ARHGAP26: variants seen among roughly 807,000 people sequenced by gnomAD.
ARHGAP26 encodes rho GTPase-activating protein 26.
In ARHGAP26, 38 loss-of-function variants were observed where a neutral mutation model predicts 104.8. The observed-to-expected ratio is 0.36, with a 90% confidence interval of 0.28 to 0.48. The LOEUF (loss-of-function observed/expected upper bound fraction) is 0.48. Ranked by LOEUF, ARHGAP26 falls within the 20% of genes least tolerant of loss-of-function variation. The pLI, the probability that ARHGAP26 is intolerant of heterozygous loss-of-function variation, is 0.99. For synonymous variants in ARHGAP26, 341 were observed against 340.0 expected (o/e 1.00, Z -0.03); for missense variants, 704 against 947.9 (o/e 0.74, Z 3.38).
intron 20 of ARHGAP26, among the ~76,000 whole-genome samples, chr5:143,154,240 A>G (rs1800202987): frequency 6.6e-6 from 1 of 152,008 alleles, no homozygotes; most frequent in African/African-American, 2.4e-5. Context: ...TTAACACAGT[A>G]TGTCACACAG....
intron 1 of ARHGAP26, among the ~76,000 whole-genome samples, chr5:142,827,978 C>T (rs1341612861): frequency 6.6e-6 from 1 of 152,032 alleles, no homozygotes; most frequent in East Asian, 1.9e-4. Context: ...GTCTTTGTTC[C>T]CTTGGCTTTT....
intron 22 of ARHGAP26, among the ~76,000 whole-genome samples, chr5:143,215,870 C>T (rs760334886): frequency 1.3e-5 from 2 of 152,188 alleles, no homozygotes; most frequent in Non-Finnish European, 2.9e-5. Context: ...AGTAGATGGG[C>T]ACGTTGTTTC....
intron 10 of ARHGAP26, among the ~76,000 whole-genome samples, chr5:142,927,238 C>G (rs1764040848): frequency 6.6e-6 from 1 of 151,840 alleles, no homozygotes; most frequent in South Asian, 2.1e-4. Flanking sequence ...ACACACACAA[C>G]TGTGTAACCA....
intron 1 of ARHGAP26, among the ~76,000 whole-genome samples, chr5:142,852,905 T>C (rs1751767536): frequency 6.6e-6 from 1 of 152,262 alleles, no homozygotes; most frequent in Non-Finnish European, 1.5e-5. Context: ...TGAAGCACCA[T>C]GACATTGAGC....
At chr5:142,975,917 A>G (rs907589885) in intron 11 of ARHGAP26, among the ~76,000 whole-genome samples, 16 of 152,226 alleles carry the variant, frequency 1.1e-4, no homozygotes, top group African/African-American at 2.9e-4. Flanking sequence ...TGGCCTCTGA[A>G]CACCAGTAAC....
chr5:143,000,412 T>C (rs907091563), intron 11 of ARHGAP26, among the ~76,000 whole-genome samples: 4 of 152,222 alleles, frequency 2.6e-5, no homozygotes, highest in African/African-American at 4.8e-5. Context: ...CTATGGTATA[T>C]TCAAACATTA....
At chr5:143,044,532 C>T (rs2150170079) in intron 14 of ARHGAP26, among the ~76,000 whole-genome samples, 1 of 132,360 alleles carries the variant, frequency 7.6e-6, no homozygotes, top group East Asian at 2.3e-4. Flanking sequence ...TCACATGGCC[C>T]ATGGCAGATG....
intron 22 of ARHGAP26, among the ~76,000 whole-genome samples, chr5:143,214,596 G>A (rs1173340551): frequency 1.3e-5 from 2 of 152,230 alleles, no homozygotes; most frequent in Non-Finnish European, 2.9e-5. Flanking sequence ...GGTCCTGGCT[G>A]CATCTGTAAA....
intron 10 of ARHGAP26, among the ~76,000 whole-genome samples, chr5:142,915,875 G>A (rs1762408862): frequency 6.6e-6 from 1 of 152,104 alleles, no homozygotes; most frequent in African/African-American, 2.4e-5. Context: ...CTGGGTAGCT[G>A]CATCCCTGGG....
intron 1 of ARHGAP26, among the ~76,000 whole-genome samples, chr5:142,790,997 CTT>C (rs917255939): frequency 5.3e-5 from 8 of 151,990 alleles, no homozygotes; most frequent in African/African-American, 1.5e-4. Flanking sequence ...AACCACTTGA[CTT>C]TTTTCTAGAA....
chr5:143,051,394 T>G (rs1384091347), intron 14 of ARHGAP26, among the ~76,000 whole-genome samples: 1 of 152,212 alleles, frequency 6.6e-6, no homozygotes, highest in Non-Finnish European at 1.5e-5. Context: ...ATGATGCCTT[T>G]TGTACATTGG....
intron 11 of ARHGAP26, among the ~76,000 whole-genome samples, chr5:142,985,710 A>G (rs751981020): frequency 1.5e-5 from 2 of 137,496 alleles, no homozygotes; most frequent in Admixed American, 8.2e-5. Context: ...CCTGTGTCCA[A>G]GTGTTCTCAT....
At chr5:143,037,865 T>C (rs1290681982) in intron 13 of ARHGAP26, among the ~76,000 whole-genome samples, 1 of 152,222 alleles carries the variant, frequency 6.6e-6, no homozygotes, top group Non-Finnish European at 1.5e-5. Context: ...GAACCCAAGA[T>C]GCTCTGGGGA....
intron 1 of ARHGAP26, among the ~76,000 whole-genome samples, chr5:142,855,220 G>C (rs1752151723): frequency 6.6e-6 from 1 of 152,188 alleles, no homozygotes; most frequent in Non-Finnish European, 1.5e-5. Context: ...CCCCATTACA[G>C]AAAGAAAGGG....
chr5:143,012,829 G>GT (rs1466191535), intron 11 of ARHGAP26, among the ~76,000 whole-genome samples: 5 of 150,746 alleles, frequency 3.3e-5, no homozygotes, highest in East Asian at 2.0e-4. Flanking sequence ...AATTTTTTGT[G>GT]TTTTTTAGTA....
At chr5:142,775,279 T>C (rs947907242) in intron 1 of ARHGAP26, among the ~76,000 whole-genome samples, 1 of 152,162 alleles carries the variant, frequency 6.6e-6, no homozygotes, top group African/African-American at 2.4e-5. Flanking sequence ...TTTGTCTGTG[T>C]TTTGGATTTT....
Position 142,913,255 on chromosome 5 carries a change from TGAG to T in ARHGAP26, c.991_993del (p.Glu331del). 6.2e-7 allele frequency: 1 copy of T among 1,614,200 alleles called. No homozygotes were observed. Among genetic ancestry groups the T allele is most frequent in the Non-Finnish European group, 8.5e-7 (1 of 1,180,012 alleles). On this transcript the variant is annotated inframe_deletion, in exon 10 of 23. Coordinates refer to ENST00000645722, the MANE Select transcript of ARHGAP26 (RefSeq NM_001135608.3). ...GCACACGGCGGAAAACAGACTCCATTGAGAAGAGGTTTTGCTTTGATGTGGAAG... is the reference window on the plus strand; with the variant it reads ...GCACACGGCGGAAAACAGACTCCATTAAGAGGTTTTGCTTTGATGTGGAAG...
intron 11 of ARHGAP26, among the ~76,000 whole-genome samples, chr5:143,000,891 AG>A (rs1257346960): frequency 1.3e-5 from 2 of 152,106 alleles, no homozygotes; most frequent in Admixed American, 1.3e-4. Context: ...ATGGGAGGCA[AG>A]GGGAGGGAGA....
At chr5:143,018,512 A>G (rs1268919284) in intron 12 of ARHGAP26, among the ~76,000 whole-genome samples, 1 of 152,152 alleles carries the variant, frequency 6.6e-6, no homozygotes, top group Non-Finnish European at 1.5e-5. Context: ...GATTTCCACC[A>G]CTGTATGAGA....
Sources: gnomAD v4.1 joint callset for allele counts (sites outside exome capture counted in the v4.1 genomes callset) on GRCh38, gnomAD v4.1.1 for gene constraint, MANE v1.5 for transcripts, NCBI Gene and HGNC (gene_info 2026-07-23, HGNC 2026-07-21) for gene names.